BBS2: variants seen among roughly 807,000 people sequenced by gnomAD.
The protein encoded by BBS2 is Bardet-Biedl syndrome 2.
In BBS2, 62 loss-of-function variants were observed where a neutral mutation model predicts 83.0. The observed-to-expected ratio is 0.75, with a 90% CI of 0.61 to 0.92. The LOEUF is 0.92. BBS2 is among the 40% of genes least tolerant of loss of function. The pLI, the probability that BBS2 is intolerant of heterozygous loss-of-function variation, is 0.00. For missense variants in BBS2, 784 were observed against 901.0 expected (o/e 0.87, Z 1.66); for synonymous variants, 303 against 326.1 (o/e 0.93, Z 0.76).
At chr16:56,497,984 A>G in intron 13 of BBS2, 104 bp from the exon 14 acceptor site, 1 of 1,162,338 alleles carries the variant, frequency 8.6e-7, no homozygotes, top group African/African-American at 1.5e-5. Context: ...TATTGTGCAT[A>G]TATATATATA....
At chr16:56,519,700 C>CTGTGGT in intron 1 of BBS2, 46 bp downstream of exon 1, 1 of 1,493,688 alleles carries the variant, frequency 6.7e-7, no homozygotes. Context: ...GGCGGAGATC[C>CTGTGGT]TGTGGTTCCC....
intron 17 of BBS2, chr16:56,470,923 G>A: frequency 1.2e-6 from 1 of 861,948 alleles, no homozygotes; most frequent in Non-Finnish European, 1.8e-6. Context: ...GGACAAAACA[G>A]ACAAGGTCTC....
In BBS2 at chr16:56,485,717, A is replaced by G. The variant is rs1044072013; in HGVS notation, c.1932T>C (p.Tyr644=). 4 of 1,613,816 alleles carry G rather than the reference A, an allele frequency of 2.5e-6. No homozygotes were observed. Among genetic ancestry groups the G allele is most frequent in the Admixed American group, 3.3e-5 (2 of 60,004 alleles). Residue 644 remains tyrosine, a synonymous_variant, in exon 16 of 17, where the codon TAT becomes TAC. Coordinates refer to ENST00000245157, the MANE Select transcript of BBS2 (RefSeq NM_031885.5). ...CTCTATTAAGGTCATAGAGTTCCAT[A>G]TAACGACTCTTCATTGTTTTCCTGT... ...MRDMKTMKSR[Y]MELYDLNRDL...
chr16:56,519,708 C>T, intron 1 of BBS2, 38 bp downstream of exon 1: 3 of 1,537,146 alleles, frequency 2.0e-6, no homozygotes, highest in Non-Finnish European at 2.7e-6. Flanking sequence ...TCCTGTGGTT[C>T]CCTGGGGCCC....
chr16:56,500,225 T>C (rs1964228297), intron 11 of BBS2: 2 of 335,170 alleles, frequency 6.0e-6, no homozygotes, highest in Non-Finnish European at 1.1e-5. Flanking sequence ...ATGACTGTAA[T>C]ATAAAGGTGC....
chr16:56,497,172 C>G (rs1964138326), intron 14 of BBS2, 93 bp from the exon 15 acceptor site: 1 of 834,920 alleles, frequency 1.2e-6, no homozygotes, highest in Non-Finnish European at 2.1e-6. Flanking sequence ...ATACAGAGAC[C>G]CCCTTCTTTC....
chr16:56,514,704 A>T (rs985223340), intron 1 of BBS2, 24 bp from the exon 2 acceptor site: 5 of 1,534,094 alleles, frequency 3.3e-6, no homozygotes, highest in Non-Finnish European at 3.6e-6. Context: ...AACTAATTAC[A>T]TTCCCTTAAA....
At chr16:56,500,630 A>C (rs527448500) in intron 11 of BBS2, 56 of 505,424 alleles carry the variant, frequency 1.1e-4, no homozygotes, top group South Asian at 9.4e-4. Context: ...GTCTCAAAAA[A>C]AAAAAAAAAA....
rs766565594 is a variant in BBS2, at chr16:56,506,081, T to C, written c.717+39A>G. 2.5e-6 allele frequency: 4 copies of C among 1,609,634 alleles called. No individual in the cohort carries two copies. In the Admixed American group the frequency reaches 5.0e-5, roughly 20 times the overall value. Reference sequence around the variant, plus strand: ...ATTAGCACAGAAGTCTCACAATAACTATCAAGCGCCTGAATATCAAAGGCT... The same window carrying C: ...ATTAGCACAGAAGTCTCACAATAACCATCAAGCGCCTGAATATCAAAGGCT... On this transcript the variant is annotated intron_variant, in intron 6 of 16. Coordinates refer to ENST00000245157, the MANE Select transcript of BBS2 (RefSeq NM_031885.5).
At chr16:56,484,059 T>C (rs1401844504), downstream of BBS2, among the ~76,000 whole-genome samples, 1 of 146,668 alleles carries the variant, frequency 6.8e-6, no homozygotes, top group Admixed American at 7.0e-5. Flanking sequence ...CAGACTGGAG[T>C]GCAGTGGTGC....
At chr16:56,504,339 G>A (rs1277422343) in intron 7 of BBS2, among the ~76,000 whole-genome samples, 1 of 152,148 alleles carries the variant, frequency 6.6e-6, no homozygotes, top group African/African-American at 2.4e-5. Context: ...TAGCAAATAA[G>A]AAGGCTCATT....
chr16:56,501,415 G>C lies in BBS2; in HGVS notation c.1163C>G (p.Ser388Ter). ...PANTRLHTTLSVSLGNETQTA... is the reference protein window; with the variant it reads ...PANTRLHTTL ...TTGGGTCTCATTCCCCAGGCTGACT[G>C]AGAGCGTGGTGTGGAGCCTGGTATT... The change falls in exon 10 of 17, where the codon TCA (serine) becomes TGA (stop). Residue 388 changes from serine (S) to a stop codon, truncating the protein, a stop_gained. Coordinates refer to ENST00000245157, the MANE Select transcript of BBS2 (RefSeq NM_031885.5). LOFTEE classifies it high-confidence loss of function. 1 of 1,614,176 alleles carries C rather than the reference G, an allele frequency of 6.2e-7. No homozygotes were observed. Among genetic ancestry groups the C allele is most frequent in the Non-Finnish European group, 8.5e-7 (1 of 1,180,028 alleles).
intron 7 of BBS2, among the ~76,000 whole-genome samples, chr16:56,505,743 G>A (rs767815146): frequency 3.9e-5 from 6 of 152,098 alleles, no homozygotes; most frequent in Non-Finnish European, 8.8e-5. Flanking sequence ...CCCAAACACC[G>A]CTTATAAGAC....
rs1964175116 is a variant in BBS2 at position 56,498,509 on chromosome 16, A to T, written c.1587T>A (p.Ala529=). Residue 529 remains alanine, a synonymous_variant, in exon 13 of 17, where the codon GCT becomes GCA. Transcript: ENST00000245157. ...LLPEDTHIQN[A]PFQVCFTSLR... ...AAGATGTGAAACACACTTGAAATGG[A>T]GCATTCTGAATGTGAGTGTCTTCTG... 1 of 1,613,990 alleles carries T rather than the reference A, an allele frequency of 6.2e-7. No homozygotes were observed. Among genetic ancestry groups the T allele is most frequent in the Admixed American group, 1.7e-5 (1 of 60,008 alleles).
In BBS2 at chr16:56,504,934, G is replaced by C. The variant is rs76389504; in HGVS notation, c.804+1016C>G. ...CAGAGCCCCCATGAACAGGATTAGT[G>C]CCCTATAAAAGAAGGCCCAGAGAGA... On this transcript the variant is annotated intron_variant, in intron 7 of 16. Coordinates refer to ENST00000245157, the MANE Select transcript of BBS2 (RefSeq NM_031885.5). Among the ~76,000 whole-genome samples the C allele has an allele frequency of 5.4e-4, 82 of 152,282 alleles. 1 individual carries two copies. In the East Asian group the frequency reaches 0.015, roughly 27 times the overall value.
At chr16:56,501,587 A>G (rs762840742) in intron 9 of BBS2, 90 bp from the exon 10 acceptor site, 14 of 1,519,930 alleles carry the variant, frequency 9.2e-6, no homozygotes, top group Non-Finnish European at 1.3e-5. Flanking sequence ...GCTTCAAAAG[A>G]CAGAGCCTCC....
chr16:56,489,235 G>A (rs555468388), intron 15 of BBS2, among the ~76,000 whole-genome samples: 1 of 152,278 alleles, frequency 6.6e-6, no homozygotes, highest in South Asian at 2.1e-4. Flanking sequence ...CACCTACTCA[G>A]GAGGCTGAGG....
chr16:56,470,708 A>C, intron 17 of BBS2: 1 of 1,614,170 alleles, frequency 6.2e-7, no homozygotes, highest in Non-Finnish European at 8.5e-7. Context: ...GAGCCAGAGA[A>C]TAATCAGATG....
rs1964135693 is a variant in BBS2 at position 56,497,091 on chromosome 16, G to A, written c.1798-12C>T. ...TGATATTCATCCACCTGGAGACCAT[G>A]AACACTCAGGAATGAAAAAGGCCTC... On this transcript the variant is annotated splice_polypyrimidine_tract_variant and intron_variant, in intron 14 of 16. Coordinates refer to ENST00000245157, the MANE Select transcript of BBS2 (RefSeq NM_031885.5). 27 of 1,551,018 alleles carry A rather than the reference G, an allele frequency of 1.7e-5. No homozygotes were observed. The highest frequency in any genetic ancestry group is 2.3e-5 in the Non-Finnish European group (26 of 1,122,740).
Sources: allele counts gnomAD v4.1 joint callset (sites outside exome capture counted in the v4.1 genomes callset), GRCh38; gene constraint gnomAD v4.1.1; transcripts MANE v1.5; gene names NCBI Gene and HGNC (gene_info 2026-07-23, HGNC 2026-07-21).